Variants in PDZD9 observed in about 807,000 individuals in gnomAD.
The protein encoded by PDZD9 is PDZ domain containing 9.
Under a neutral mutation model 16.3 loss-of-function variants are expected in PDZD9, and 13 were observed. The ratio of observed to expected loss-of-function variants is 0.80; its 90% CI spans 0.52 to 1.27. The LOEUF is 1.27. PDZD9 is among the 50% of genes most tolerant of loss of function. The probability of loss-of-function intolerance (pLI) is 0.00; values close to 1 mark genes in which losing one functional copy is unlikely to be tolerated. For synonymous variants in PDZD9, 120 were observed against 111.0 expected, an observed-to-expected ratio of 1.08 and a Z score of -0.51; for missense variants, 288 against 310.9, an observed-to-expected ratio of 0.93 and a Z score of 0.55.
the PDZD9 span, among the ~76,000 whole-genome samples, chr16:21,958,060 A>G: frequency 6.6e-6 from 1 of 152,370 alleles, no homozygotes; most frequent in South Asian, 2.1e-4. Context: ...ATAAAGTAAC[A>G]TGCAAATATT....
chr16:21,979,723 TACTA>T (rs1898669966), downstream of PDZD9, among the ~76,000 whole-genome samples: 2 of 150,040 alleles, frequency 1.3e-5, no homozygotes, highest in Admixed American at 1.3e-4. Flanking sequence ...CTGCTGTAGA[TACTA>T]AACACTGTAA....
chr16:21,975,586 T>A, the PDZD9 span, among the ~76,000 whole-genome samples: 6 of 152,162 alleles, frequency 3.9e-5, no homozygotes, highest in African/African-American at 1.4e-4. Flanking sequence ...CCCCGGAACT[T>A]TATTCTTTCT....
At chr16:21,989,940 C>T (rs1898981824) in intron 2 of PDZD9, among the ~76,000 whole-genome samples, 1 of 152,174 alleles carries the variant, frequency 6.6e-6, no homozygotes, top group African/African-American at 2.4e-5. Flanking sequence ...GATCCAGCTA[C>T]TTGACACTCC....
chr16:21,995,317 C>T, intron 2 of PDZD9: 1 of 447,922 alleles, frequency 2.2e-6, no homozygotes, highest in Non-Finnish European at 4.5e-6. Context: ...GCCTGCAGAA[C>T]CATGAGCCAA....
the PDZD9 span, among the ~76,000 whole-genome samples, chr16:21,977,243 A>G: frequency 6.6e-6 from 1 of 151,976 alleles, no homozygotes; most frequent in African/African-American, 2.4e-5. Flanking sequence ...AGCCTCAGCT[A>G]CTCAGGAGGC....
chr16:21,991,459 G>A (rs1395789335), intron 2 of PDZD9, among the ~76,000 whole-genome samples: 2 of 152,060 alleles, frequency 1.3e-5, no homozygotes, highest in Non-Finnish European at 2.9e-5. Context: ...AGCTGGTCTC[G>A]AACTCCTGAG....
At chr16:21,983,689 A>G (rs888962909), downstream of PDZD9, 2 of 155,132 alleles carry the variant, frequency 1.3e-5, no homozygotes, top group African/African-American at 2.4e-5. Context: ...TCATTTTTTT[A>G]TGTCTGATTT....
chr16:22,000,182 C>T (rs576443398), intron 1 of PDZD9, among the ~76,000 whole-genome samples: 241 of 151,828 alleles, frequency 1.6e-3, no homozygotes, highest in African/African-American at 5.4e-3. Context: ...CCAGCCTGAG[C>T]GACAGAACAA....
At chr16:21,962,955 A>G in the PDZD9 span, 1 of 1,516,234 alleles carries the variant, frequency 6.6e-7, no homozygotes, top group Non-Finnish European at 8.8e-7. Context: ...TTATAGAAGA[A>G]AAAAAATTGC....
chr16:21,958,665 T>C, the PDZD9 span: 1 of 1,406,790 alleles, frequency 7.1e-7, no homozygotes, highest in Admixed American at 1.8e-5. Context: ...AGGGAACTTT[T>C]CTCTGTTATC....
chr16:21,982,870 C>T (rs953455155), downstream of PDZD9, among the ~76,000 whole-genome samples: 1 of 149,048 alleles, frequency 6.7e-6, no homozygotes, highest in Non-Finnish European at 1.5e-5. Context: ...GAGGGTGAGG[C>T]AGAGAATTGC....
chr16:21,977,519 A>G, the PDZD9 span, among the ~76,000 whole-genome samples: 1 of 152,222 alleles, frequency 6.6e-6, no homozygotes, highest in Non-Finnish European at 1.5e-5. Context: ...AAGAAAGACT[A>G]AAATACTTGT....
chr16:21,971,697 G>T, the PDZD9 span: 1 of 1,450,354 alleles, frequency 6.9e-7, no homozygotes, highest in Admixed American at 1.7e-5. Context: ...AGGTGGAATA[G>T]GCCTGAATAT....
intron 2 of PDZD9, among the ~76,000 whole-genome samples, chr16:21,993,000 A>G (rs971312064): frequency 5.3e-5 from 8 of 151,520 alleles, no homozygotes; most frequent in African/African-American, 1.7e-4. Flanking sequence ...ACACACTCAC[A>G]CTCCCTCCTG....
At chr16:21,965,608 T>C in the PDZD9 span, 2 of 995,966 alleles carry the variant, frequency 2.0e-6, no homozygotes, top group East Asian at 3.1e-5. Context: ...CTTCTAACTT[T>C]AAGAAATTCA....
At chr16:21,968,789 C>A in the PDZD9 span, 1 of 1,015,780 alleles carries the variant, frequency 9.8e-7, no homozygotes, top group Non-Finnish European at 1.4e-6. Context: ...AAAACTTCGG[C>A]CTTCTATTTA....
At chr16:21,971,519 A>T in the PDZD9 span, 1 of 1,603,854 alleles carries the variant, frequency 6.2e-7, no homozygotes, top group Non-Finnish European at 8.5e-7. Context: ...GCTTCTGTTG[A>T]AACAGGTGTG....
the PDZD9 span, chr16:21,962,520 A>T: frequency 6.2e-7 from 1 of 1,614,168 alleles, no homozygotes; most frequent in South Asian, 1.1e-5. Context: ...GTGATGTGTA[A>T]GTACCTGTGT....
At chr16:21,983,027 C>A, downstream of PDZD9, 1 of 1,470,384 alleles carries the variant, frequency 6.8e-7, no homozygotes, top group Non-Finnish European at 9.4e-7. Flanking sequence ...AATAAGTTCG[C>A]CTGCTTGATG....
Sources: gnomAD v4.1 joint callset for allele counts (sites outside exome capture counted in the v4.1 genomes callset) on GRCh38, gnomAD v4.1.1 for gene constraint, MANE v1.5 for transcripts, NCBI Gene and HGNC (gene_info 2026-07-23, HGNC 2026-07-21) for gene names.